TNFAIP8L3: variants seen among roughly 807,000 people sequenced by gnomAD.
TNFAIP8L3 encodes the protein tumor necrosis factor alpha-induced protein 8-like protein 3.
TNFAIP8L3 carries 7 observed loss-of-function variants against 11.8 expected under a neutral mutation model. That is an observed-to-expected ratio of 0.59 (90% CI 0.34 to 1.11). The LOEUF is 1.11. TNFAIP8L3 is among the 50% of genes most tolerant of loss of function. The pLI is 0.03. For missense variants in TNFAIP8L3, 219 were observed against 258.6 expected, an observed-to-expected ratio of 0.85 and a Z score of 1.05; for synonymous variants, 98 against 103.8, an observed-to-expected ratio of 0.94 and a Z score of 0.34.
In TNFAIP8L3 at chr15:51,094,682, G is replaced by T; in HGVS notation, c.-87C>A. The T allele has an allele frequency of 2.5e-6, 3 of 1,189,102 alleles. No homozygotes were observed. The highest frequency in any genetic ancestry group is 3.1e-6 in the Non-Finnish European group (3 of 964,246). The allele number at this position is 1,189,102 out of a possible 1,614,324, so 73.7% of individuals were successfully genotyped here. ...CGCGGCGCACTCAGGGCGGACAGCG[G>T]GGCGGCTGGAGCCCGGGCGGCGCGG... On this transcript the variant is annotated 5_prime_UTR_variant, in exon 1 of 2. Coordinates refer to ENST00000637513, the MANE Select transcript of TNFAIP8L3 (RefSeq NM_001311175.2). The surrounding 1 kb of genome is among the most constrained non-coding windows in gnomAD (Gnocchi z 4.4).
chr15:51,071,903 G>C (rs1032922084), intron 1 of TNFAIP8L3, among the ~76,000 whole-genome samples: 3 of 152,204 alleles, frequency 2.0e-5, no homozygotes, highest in Non-Finnish European at 2.9e-5. Context: ...TAATATGCAT[G>C]TTCCTGATTG....
chr15:51,088,966 C>T (rs2065448166), intron 1 of TNFAIP8L3, among the ~76,000 whole-genome samples: 1 of 147,092 alleles, frequency 6.8e-6, no homozygotes. Context: ...GGTATAAAGA[C>T]CTGGCCTCTC....
upstream of TNFAIP8L3, among the ~76,000 whole-genome samples, chr15:51,097,354 G>A (rs1889725269): frequency 6.6e-6 from 1 of 152,176 alleles, no homozygotes; most frequent in Admixed American, 6.5e-5. Flanking sequence ...CAGTCGTCAG[G>A]TCTTCATTAA....
At chr15:51,069,830 C>T (rs894595342) in intron 1 of TNFAIP8L3, among the ~76,000 whole-genome samples, 5 of 152,218 alleles carry the variant, frequency 3.3e-5, no homozygotes, top group Non-Finnish European at 7.3e-5. Flanking sequence ...GGCCCAAGTT[C>T]ACCAGACACC....
chr15:51,095,293 G>A (rs2065506417), upstream of TNFAIP8L3, among the ~76,000 whole-genome samples: 1 of 151,066 alleles, frequency 6.6e-6, no homozygotes, highest in Non-Finnish European at 1.5e-5. Flanking sequence ...GCGGGGTGGG[G>A]GGAGATGACA....
At chr15:51,077,822 C>T (rs140459364) in intron 1 of TNFAIP8L3, among the ~76,000 whole-genome samples, 1 of 152,300 alleles carries the variant, frequency 6.6e-6, no homozygotes, top group Non-Finnish European at 1.5e-5. Context: ...GACTCCAGCT[C>T]GAGTGTGCTG....
chr15:51,086,267 G>A (rs1372456046), intron 1 of TNFAIP8L3, among the ~76,000 whole-genome samples: 1 of 152,244 alleles, frequency 6.6e-6, no homozygotes, highest in Non-Finnish European at 1.5e-5. Context: ...CACGGCTGGA[G>A]CGTCCTTCTA....
At chr15:51,091,686 AC>A (rs2065471579) in intron 1 of TNFAIP8L3, among the ~76,000 whole-genome samples, 1 of 142,074 alleles carries the variant, frequency 7.0e-6, no homozygotes. Context: ...GCACACACAC[AC>A]ACACACACAC....
intron 1 of TNFAIP8L3, among the ~76,000 whole-genome samples, chr15:51,079,908 C>CCACAAGGG (rs2065380130): frequency 6.6e-6 from 1 of 151,004 alleles, no homozygotes; most frequent in African/African-American, 2.4e-5. Flanking sequence ...AAAAGTCATT[C>CCACAAGGG]CACAAGGGAG....
chr15:51,069,025 A>G (rs2065290804), intron 1 of TNFAIP8L3, among the ~76,000 whole-genome samples: 1 of 152,172 alleles, frequency 6.6e-6, no homozygotes, highest in South Asian at 2.1e-4. Context: ...AGGGAGAGGC[A>G]GGCTTGGGTG....
intron 1 of TNFAIP8L3, among the ~76,000 whole-genome samples, chr15:51,075,143 A>G (rs2065340739): frequency 6.6e-6 from 1 of 152,226 alleles, no homozygotes; most frequent in Admixed American, 6.5e-5. Context: ...CCATCAGTTC[A>G]GGACCCACAC....
intron 1 of TNFAIP8L3, among the ~76,000 whole-genome samples, chr15:51,070,235 A>G (rs767391745): frequency 7.9e-5 from 12 of 152,242 alleles, no homozygotes; most frequent in Non-Finnish European, 1.3e-4. Flanking sequence ...CAACAGGTTA[A>G]TTTTGGAGAT....
chr15:51,081,434 A>G (rs1245300953), intron 1 of TNFAIP8L3, among the ~76,000 whole-genome samples: 12 of 152,214 alleles, frequency 7.9e-5, no homozygotes, highest in Non-Finnish European at 1.5e-4. Context: ...GACGGGACTC[A>G]GTGACTCATG....
chr15:51,095,041 C>G (rs1297776223), upstream of TNFAIP8L3, among the ~76,000 whole-genome samples: 2 of 152,112 alleles, frequency 1.3e-5, no homozygotes, highest in Non-Finnish European at 2.9e-5. Context: ...AGCCCCTTCC[C>G]TAGGGTGAGG....
intron 1 of TNFAIP8L3, among the ~76,000 whole-genome samples, chr15:51,066,224 A>G (rs11070831): frequency 0.21 from 30,490 of 148,584 alleles, 3,565 homozygotes; most frequent in East Asian, 0.44. Flanking sequence ...GGGCAGTGGC[A>G]CAGTCTCAGC....
Position 51,065,794 on chromosome 15 carries a change from C to T in TNFAIP8L3, c.53-7351G>A, listed in dbSNP as rs1457538345. On this transcript the variant is annotated intron_variant, in intron 1 of 1. Transcript: ENST00000637513. Reference sequence around the variant, plus strand: ...AAAATGGGAAATTATTTGTAATAGTCAGTACACATCAGAATTACTTCATTT... The same window carrying T: ...AAAATGGGAAATTATTTGTAATAGTTAGTACACATCAGAATTACTTCATTT... 2.0e-5 allele frequency among the ~76,000 whole-genome samples: 3 copies of T among 152,260 alleles called. No homozygotes were observed. In the East Asian group the frequency reaches 5.8e-4, roughly 29 times the overall value.
rs1318053353 is a variant in TNFAIP8L3 at position 51,079,958 on chromosome 15, G to A, written c.52+14586C>T. Reference sequence around the variant, plus strand: ...GTAGCATCCCCAGCACACCTCTGATGCTAGCTACTTACAGACAAAATAGTT... The same window carrying A: ...GTAGCATCCCCAGCACACCTCTGATACTAGCTACTTACAGACAAAATAGTT... On this transcript the variant is annotated intron_variant, in intron 1 of 1. Transcript: ENST00000637513. Among the ~76,000 whole-genome samples, 6 of 151,874 alleles carry A rather than the reference G, an allele frequency of 4.0e-5. No individual in the cohort carries two copies. In the East Asian group the frequency reaches 1.2e-3, roughly 29 times the overall value.
intron 1 of TNFAIP8L3, among the ~76,000 whole-genome samples, chr15:51,082,925 G>A (rs1401361122): frequency 6.6e-6 from 1 of 152,138 alleles, no homozygotes; most frequent in Non-Finnish European, 1.5e-5. Context: ...TTTTATACCT[G>A]AAAAGGAGTA....
chr15:51,067,329 G>A (rs1384788528), intron 1 of TNFAIP8L3, among the ~76,000 whole-genome samples: 6 of 152,144 alleles, frequency 3.9e-5, no homozygotes, highest in African/African-American at 7.2e-5. Flanking sequence ...CAGATACCCC[G>A]AGCTTACCCC....
Sources: gnomAD v4.1 joint callset for allele counts (sites outside exome capture counted in the v4.1 genomes callset) on GRCh38, gnomAD v4.1.1 for gene constraint, Gnocchi (gnomAD v3.1) non-coding constraint, MANE v1.5 for transcripts, NCBI Gene and HGNC (gene_info 2026-07-23, HGNC 2026-07-21) for gene names.